LMAN2L: variants seen among roughly 807,000 people sequenced by gnomAD.
LMAN2L encodes the protein lectin, mannose binding 2 like, also known as VIP36-like protein.
LMAN2L carries 30 observed loss-of-function variants against 44.3 expected under a neutral mutation model. The ratio of observed to expected loss-of-function variants is 0.68; its 90% CI spans 0.51 to 0.92. The LOEUF (loss-of-function observed/expected upper bound fraction) is 0.92. Ranked by LOEUF, LMAN2L falls within the 40% of genes least tolerant of loss-of-function variation. The pLI is 0.00. For synonymous variants in LMAN2L, 183 were observed against 171.1 expected (o/e 1.07, Z -0.54); for missense variants, 429 against 446.1 (o/e 0.96, Z 0.35).
At chr2:96,715,252 T>C (rs1331155940) in intron 4 of LMAN2L, among the ~76,000 whole-genome samples, 1 of 152,174 alleles carries the variant, frequency 6.6e-6, no homozygotes, top group Non-Finnish European at 1.5e-5. Context: ...TATGTATTTT[T>C]AAAAAGCACC....
At chr2:96,708,614 C>T (rs1406631082) in intron 6 of LMAN2L, among the ~76,000 whole-genome samples, 1 of 152,182 alleles carries the variant, frequency 6.6e-6, no homozygotes, top group Non-Finnish European at 1.5e-5. Context: ...AGGACTGCAG[C>T]TTCCCCGCTG....
intron 4 of LMAN2L, among the ~76,000 whole-genome samples, chr2:96,725,076 C>G (rs2078240597): frequency 6.6e-6 from 1 of 152,184 alleles, no homozygotes; most frequent in Non-Finnish European, 1.5e-5. Flanking sequence ...CGTGATCCGC[C>G]TGCCTCAGCC....
At chr2:96,723,954 C>G (rs1030311063) in intron 4 of LMAN2L, among the ~76,000 whole-genome samples, 1 of 151,944 alleles carries the variant, frequency 6.6e-6, no homozygotes, top group East Asian at 1.9e-4. Context: ...AAAAAAATAG[C>G]CAGGCGTGGT....
intron 6 of LMAN2L, 109 bp from the exon 7 acceptor site, chr2:96,707,942 C>T: frequency 8.9e-7 from 1 of 1,122,482 alleles, no homozygotes; most frequent in African/African-American, 1.6e-5. Flanking sequence ...CAGCAGTGAC[C>T]TTGAAAAAAT....
intron 2 of LMAN2L, among the ~76,000 whole-genome samples, chr2:96,735,201 T>C (rs985363248): frequency 2.6e-5 from 4 of 152,210 alleles, no homozygotes; most frequent in Non-Finnish European, 5.9e-5. Flanking sequence ...TTTAAATAGT[T>C]GAACGGTTTC....
At chr2:96,725,666 C>T (rs970628223) in intron 4 of LMAN2L, among the ~76,000 whole-genome samples, 1 of 150,644 alleles carries the variant, frequency 6.6e-6, no homozygotes, top group East Asian at 2.0e-4. Context: ...AGGATGGTCT[C>T]GATCTCCTGA....
chr2:96,731,522 TATA>T (rs1424783895), intron 4 of LMAN2L, among the ~76,000 whole-genome samples: 2 of 151,976 alleles, frequency 1.3e-5, no homozygotes, highest in African/African-American at 4.8e-5. Flanking sequence ...GGCGTGTGCC[TATA>T]ATCCCAGCTA....
intron 4 of LMAN2L, among the ~76,000 whole-genome samples, chr2:96,717,782 T>C (rs1574006070): frequency 6.8e-6 from 1 of 146,232 alleles, no homozygotes; most frequent in African/African-American, 2.5e-5. Context: ...GAGGCCACAG[T>C]GGGCCAAGAT....
intron 1 of LMAN2L, among the ~76,000 whole-genome samples, chr2:96,738,993 G>A (rs1050922872): frequency 4.6e-5 from 7 of 152,064 alleles, no homozygotes; most frequent in African/African-American, 1.7e-4. Flanking sequence ...CGCCCACCTC[G>A]GCCTCCCAAA....
intron 4 of LMAN2L, among the ~76,000 whole-genome samples, chr2:96,730,078 T>A (rs1000331204): frequency 2.4e-4 from 37 of 152,338 alleles, no homozygotes; most frequent in African/African-American, 5.1e-4. Flanking sequence ...AAATTTTTTT[T>A]AATTAACATC....
chr2:96,721,990 CG>C (rs1361083933), intron 4 of LMAN2L, among the ~76,000 whole-genome samples: 1 of 151,278 alleles, frequency 6.6e-6, no homozygotes, highest in Non-Finnish European at 1.5e-5. Flanking sequence ...TTTTTTGAGA[CG>C]GAGTCTCACT....
At chr2:96,735,613 C>A (rs1574030894) in intron 2 of LMAN2L, among the ~76,000 whole-genome samples, 2 of 152,150 alleles carry the variant, frequency 1.3e-5, no homozygotes, top group East Asian at 3.9e-4. Flanking sequence ...CTGAGGTGGG[C>A]AGATCACAAG....
rs1032075214 is a variant in LMAN2L at position 96,736,452 on chromosome 2, G to C, written c.306+1497C>G. ...TACAGGTATCAGAAGTCGAAAAAGG[G>C]AAGAACTAGAGGCTATACTAGAACT... On this transcript the variant is annotated intron_variant, in intron 2 of 7. Transcript: ENST00000264963. 3.9e-5 allele frequency among the ~76,000 whole-genome samples: 6 copies of C among 152,152 alleles called. No individual in the cohort carries two copies. In the East Asian group the frequency reaches 9.6e-4, roughly 24 times the overall value.
chr2:96,732,212 T>G (rs1304343842), intron 4 of LMAN2L, among the ~76,000 whole-genome samples: 1 of 151,746 alleles, frequency 6.6e-6, no homozygotes, highest in East Asian at 1.9e-4. Context: ...AAAAATAATG[T>G]GACCTTTGCC....
chr2:96,711,523 A>T, intron 6 of LMAN2L, 133 bp downstream of exon 6: 1 of 627,268 alleles, frequency 1.6e-6, no homozygotes, highest in South Asian at 2.0e-5. Context: ...AGAATGCAGA[A>T]GGAGAAGCAG....
rs1278393012 is a variant in LMAN2L at position 96,716,048 on chromosome 2, C to T, written c.508-4023G>A. On this transcript the variant is annotated intron_variant, in intron 4 of 7. Coordinates refer to ENST00000264963, the MANE Select transcript of LMAN2L (RefSeq NM_030805.4). Reference sequence around the variant, plus strand: ...CTAGTGTATTTCTAGATACAAATATCGTTCACAGGTACTCATATATATATA... The same window carrying T: ...CTAGTGTATTTCTAGATACAAATATTGTTCACAGGTACTCATATATATATA... Among the ~76,000 whole-genome samples, 9 of 152,266 alleles carry T rather than the reference C, an allele frequency of 5.9e-5. No individual in the cohort carries two copies. In the South Asian group the frequency reaches 1.7e-3, roughly 28 times the overall value.
intron 4 of LMAN2L, chr2:96,712,982 TG>T: frequency 1.3e-6 from 1 of 750,578 alleles, no homozygotes; most frequent in Non-Finnish European, 2.3e-6. Context: ...ACATGCAAGA[TG>T]GAGATGCAGT....
chr2:96,729,108 C>A (rs1574022281), intron 4 of LMAN2L, among the ~76,000 whole-genome samples: 1 of 148,774 alleles, frequency 6.7e-6, no homozygotes, highest in Non-Finnish European at 1.5e-5. Flanking sequence ...GGAGGCGGAG[C>A]TTGCAGTGAG....
intron 4 of LMAN2L, among the ~76,000 whole-genome samples, chr2:96,717,526 T>A (rs34953686): frequency 8.4e-6 from 1 of 118,980 alleles, no homozygotes; most frequent in African/African-American, 3.6e-5. Flanking sequence ...AACCAAACCC[T>A]GTGTCGGAAA....
Sources: allele counts gnomAD v4.1 joint callset (sites outside exome capture counted in the v4.1 genomes callset), GRCh38; gene constraint gnomAD v4.1.1; transcripts MANE v1.5; gene names NCBI Gene and HGNC (gene_info 2026-07-23, HGNC 2026-07-21).